The following COP1 variants were observed in gnomAD, a reference collection of about 807,000 sequenced individuals.
The protein encoded by COP1 is E3 ubiquitin-protein ligase COP1.
COP1 carries 24 observed loss-of-function variants against 101.3 expected under a neutral mutation model. The ratio of observed to expected loss-of-function variants is 0.24; its 90% CI spans 0.17 to 0.33. The LOEUF is 0.33. Ranked by LOEUF, COP1 falls within the 10% of genes least tolerant of loss-of-function variation. The probability of loss-of-function intolerance (pLI) is 1.00; values close to 1 mark genes in which losing one functional copy is unlikely to be tolerated. For missense variants in COP1, 663 were observed against 906.2 expected (o/e 0.73, Z 3.45); for synonymous variants, 347 against 341.9 (o/e 1.01, Z -0.17).
intron 3 of COP1, among the ~76,000 whole-genome samples, chr1:176,175,305 T>TTTTG (rs1696765891): frequency 6.6e-6 from 1 of 152,138 alleles, no homozygotes; most frequent in Admixed American, 6.5e-5. Context: ...CTGCTGCCAT[T>TTTTG]TTTGTTAAAC....
chr1:176,149,367 T>G (rs1294803389), intron 5 of COP1, among the ~76,000 whole-genome samples: 1 of 152,088 alleles, frequency 6.6e-6, no homozygotes, highest in Non-Finnish European at 1.5e-5. Flanking sequence ...ACTCCTAGCC[T>G]TCTCTTCCCC....
chr1:176,202,859 G>A (rs868142598), intron 1 of COP1, among the ~76,000 whole-genome samples: 9 of 151,978 alleles, frequency 5.9e-5, no homozygotes, highest in South Asian at 4.1e-4. Context: ...GACACTAAGA[G>A]AGGCAATGAT....
chr1:176,032,646 T>C (rs1015363242), intron 14 of COP1, among the ~76,000 whole-genome samples: 1 of 151,996 alleles, frequency 6.6e-6, no homozygotes, highest in African/African-American at 2.4e-5. Context: ...CCCCACCATG[T>C]GGGCTTGTGA....
intron 11 of COP1, among the ~76,000 whole-genome samples, chr1:176,054,354 G>A (rs957086585): frequency 2.0e-5 from 3 of 151,664 alleles, no homozygotes; most frequent in African/African-American, 7.3e-5. Flanking sequence ...TAGAGACAGG[G>A]TTTCACCATG....
In COP1 at chr1:176,027,044, T is replaced by C. The variant is rs1667788195; in HGVS notation, c.1729+528A>G. Among the ~76,000 whole-genome samples, 3 of 152,184 alleles carry C rather than the reference T, an allele frequency of 2.0e-5. No individual in the cohort carries two copies. In the South Asian group the frequency reaches 6.2e-4, roughly 32 times the overall value. ...ATATGGTCACCCTAGTTAAGAAAAATAATTTACCAAATGATTATTTGGTAT... is the reference window on the plus strand; with the variant it reads ...ATATGGTCACCCTAGTTAAGAAAAACAATTTACCAAATGATTATTTGGTAT... On this transcript the variant is annotated intron_variant, in intron 15 of 19. Transcript: ENST00000367669.
At chr1:176,051,653 T>C (rs1350318219) in intron 11 of COP1, among the ~76,000 whole-genome samples, 2 of 152,112 alleles carry the variant, frequency 1.3e-5, no homozygotes, top group Non-Finnish European at 2.9e-5. Context: ...GATCTTATCA[T>C]AGGAGATGAC....
chr1:176,111,495 G>A (rs995817083), intron 9 of COP1, among the ~76,000 whole-genome samples: 3 of 152,066 alleles, frequency 2.0e-5, no homozygotes, highest in East Asian at 3.9e-4. Context: ...GGGTTTCACC[G>A]TGTTGGCCAG....
intron 5 of COP1, among the ~76,000 whole-genome samples, chr1:176,158,273 A>G (rs1227149427): frequency 1.3e-5 from 2 of 152,188 alleles, no homozygotes; most frequent in Non-Finnish European, 1.5e-5. Context: ...TTAAAAGCCA[A>G]TCTGGAATTT....
At position 176,194,734 on chromosome 1, in the gene COP1, C is replaced by T. The variant is rs151023463; in HGVS notation, c.408-10042G>A. Among the ~76,000 whole-genome samples, 242 of 152,020 alleles carry T rather than the reference C, an allele frequency of 1.6e-3. 3 individuals carry two copies. Among genetic ancestry groups the T allele is most frequent in the East Asian group, 8.3e-3 (43 of 5,162 alleles). On this transcript the variant is annotated intron_variant, in intron 1 of 19. Coordinates refer to ENST00000367669, the MANE Select transcript of COP1 (RefSeq NM_022457.7). Reference sequence around the variant, plus strand: ...GAAACCCACTTTAAATATTAAAACACGTACATAATAGACATGAAGAATAAA... The same window carrying T: ...GAAACCCACTTTAAATATTAAAACATGTACATAATAGACATGAAGAATAAA...
intron 18 of COP1, among the ~76,000 whole-genome samples, chr1:175,976,580 A>T (rs561000084): frequency 1.3e-5 from 2 of 152,132 alleles, no homozygotes; most frequent in South Asian, 4.1e-4. Flanking sequence ...GCCCGGCCTC[A>T]TTTATTCCTT....
intron 15 of COP1, among the ~76,000 whole-genome samples, chr1:175,996,446 G>C (rs1226255586): frequency 6.6e-6 from 1 of 151,992 alleles, no homozygotes; most frequent in East Asian, 1.9e-4. Context: ...TAGGAAAAGA[G>C]GAAGTCAAAT....
At chr1:176,196,317 T>C (rs1480672848) in intron 1 of COP1, among the ~76,000 whole-genome samples, 3 of 152,102 alleles carry the variant, frequency 2.0e-5, no homozygotes, top group Non-Finnish European at 2.9e-5. Flanking sequence ...AATATGAAAG[T>C]TGATCATTTG....
chr1:176,158,170 G>T (rs1159211445), intron 5 of COP1, among the ~76,000 whole-genome samples: 1 of 151,900 alleles, frequency 6.6e-6, no homozygotes, highest in Non-Finnish European at 1.5e-5. Flanking sequence ...TCTTAAACTG[G>T]GAGAAACATA....
chr1:176,004,850 C>T, intron 15 of COP1, among the ~76,000 whole-genome samples: 1 of 151,576 alleles, frequency 6.6e-6, no homozygotes, highest in Non-Finnish European at 1.5e-5. Context: ...TTGGTGTCAG[C>T]ATGATGCTGG....
chr1:175,968,931 G>A (rs1652693798), intron 18 of COP1, among the ~76,000 whole-genome samples: 2 of 152,182 alleles, frequency 1.3e-5, no homozygotes. Context: ...TCTGAGTAAA[G>A]CTTGAGAAAA....
intron 11 of COP1, among the ~76,000 whole-genome samples, chr1:176,065,577 A>T (rs1675774818): frequency 6.6e-6 from 1 of 152,224 alleles, no homozygotes; most frequent in South Asian, 2.1e-4. Context: ...TGAGCTGAGG[A>T]CAATGGAAAA....
chr1:176,024,917 T>C (rs371130935), intron 15 of COP1, among the ~76,000 whole-genome samples: 37 of 152,200 alleles, frequency 2.4e-4, no homozygotes, highest in Middle Eastern at 3.4e-3. Flanking sequence ...AAACTATTGA[T>C]GATAAAAATG....
rs369887649 is a variant in COP1 at position 176,028,696 on chromosome 1, CATATATATATATATAT to C, written c.1613-1024_1613-1009del. 3.0e-3 allele frequency among the ~76,000 whole-genome samples: 145 copies of C among 47,910 alleles called. 3 individuals carry two copies. Among genetic ancestry groups the C allele is most frequent in the South Asian group, 8.0e-3 (7 of 876 alleles). The allele number at this position is 47,910 out of a possible 152,430, so 31.4% of individuals were successfully genotyped here. On this transcript the variant is annotated intron_variant, in intron 14 of 19. Coordinates refer to ENST00000367669, the MANE Select transcript of COP1 (RefSeq NM_022457.7). ...CTGGAGCTAGGTGGTATATTTGTTT[CATATATATATATATAT>C]ATATATATATATATAGTTTTATATA...
At chr1:176,023,775 T>A (rs544018319) in intron 15 of COP1, among the ~76,000 whole-genome samples, 14 of 148,752 alleles carry the variant, frequency 9.4e-5, no homozygotes, top group African/African-American at 3.5e-4. Flanking sequence ...ACACATTGAA[T>A]TAGGAATTTA....
Sources: allele counts gnomAD v4.1 joint callset (sites outside exome capture counted in the v4.1 genomes callset), GRCh38; gene constraint gnomAD v4.1.1; transcripts MANE v1.5; gene names NCBI Gene and HGNC (gene_info 2026-07-23, HGNC 2026-07-21).